CNTNAP3B: variants seen among roughly 807,000 people sequenced by gnomAD.
The protein encoded by CNTNAP3B is contactin associated protein family member 3B.
In CNTNAP3B, 25 loss-of-function variants were observed where a neutral mutation model predicts 108.9. The observed-to-expected ratio is 0.23, with a 90% CI of 0.17 to 0.32. CNTNAP3B has a LOEUF of 0.32. Among genes scored for constraint, CNTNAP3B ranks in the 10% least tolerant of loss-of-function variants. The pLI, the probability that CNTNAP3B is intolerant of heterozygous loss-of-function variation, is 1.00. For missense variants in CNTNAP3B, 252 were observed against 1,210.4 expected, an observed-to-expected ratio of 0.21 and a Z score of 11.75; for synonymous variants, 103 against 473.4, an observed-to-expected ratio of 0.22 and a Z score of 10.16.
Position 42,110,218 on chromosome 9 carries a change from C to T in CNTNAP3B, c.86-5479G>A, listed in dbSNP as rs557364617. Among the ~76,000 whole-genome samples, 8 of 131,202 alleles carry T rather than the reference C, an allele frequency of 6.1e-5. 1 individual carries two copies. Among genetic ancestry groups the T allele is most frequent in the South Asian group, 2.5e-4 (1 of 4,016 alleles). The allele number at this position is 131,202 out of a possible 152,430, so 86.1% of individuals were successfully genotyped here. The stretch of plus-strand genomic sequence containing the variant: ...ATGCAGGAGAGTTCCACTGAAAATA[C>T]GTTTAACATCCCTTTGAATCGCACA... On this transcript the variant is annotated intron_variant, in intron 1 of 23. Coordinates refer to ENST00000377561, the MANE Select transcript of CNTNAP3B (RefSeq NM_001201380.3).
chr9:41,981,757 TA>T (rs1825632323), intron 9 of CNTNAP3B, among the ~76,000 whole-genome samples: 1 of 50,206 alleles, frequency 2.0e-5, no homozygotes, highest in African/African-American at 7.5e-5. Flanking sequence ...GATTAAAGAA[TA>T]AAATGTAAAA....
At chr9:41,934,130 C>CACATATATATATACACACAT (rs1491259532) in intron 14 of CNTNAP3B, among the ~76,000 whole-genome samples, 4 of 116,500 alleles carry the variant, frequency 3.4e-5, no homozygotes, top group African/African-American at 1.0e-4. Flanking sequence ...TATACACACA[C>CACATATATATATACACACAT]ATATATATAT....
intron 3 of CNTNAP3B, among the ~76,000 whole-genome samples, chr9:42,058,052 T>C (rs1338668871): frequency 5.0e-5 from 7 of 139,930 alleles, no homozygotes. Context: ...ATTTCTTTTA[T>C]TTTATGGCCA....
chr9:41,931,808 A>G (rs1161259273), intron 14 of CNTNAP3B, among the ~76,000 whole-genome samples: 1 of 144,514 alleles, frequency 6.9e-6, no homozygotes, highest in Non-Finnish European at 1.5e-5. Context: ...TCATTTTAGC[A>G]AGATAGTCTA....
rs751886985 is a variant in CNTNAP3B at position 42,129,132 on chromosome 9, C to T, written c.-38G>A. ...CAGGCGCCCTGAGACCCGGGCACGG[C>T]GACGGCCGCTCTGCGTCGTTCCTGC... On this transcript the variant is annotated 5_prime_UTR_variant, in exon 1 of 24. Transcript: ENST00000377561. 16 of 1,529,056 alleles carry T rather than the reference C, an allele frequency of 1.0e-5. 2 individuals are homozygous for T. The highest frequency in any genetic ancestry group is 6.3e-5 in the African/African-American group (4 of 63,866). The allele number at this position is 1,529,056 out of a possible 1,614,324, so 94.7% of individuals were successfully genotyped here.
intron 12 of CNTNAP3B, 74 bp downstream of exon 12, chr9:41,960,699 T>A: frequency 7.6e-7 from 1 of 1,309,522 alleles, no homozygotes; most frequent in East Asian, 2.4e-5. Context: ...ACTGCATGTT[T>A]TAATAATGCT....
chr9:42,085,502 T>A (rs1211386807), intron 2 of CNTNAP3B, among the ~76,000 whole-genome samples: 2 of 139,912 alleles, frequency 1.4e-5, no homozygotes, highest in Non-Finnish European at 3.1e-5. Flanking sequence ...ATTTTATATA[T>A]AAAGTTCCTT....
Position 42,106,315 on chromosome 9 carries a change from A to G in CNTNAP3B, c.86-1576T>C, listed in dbSNP as rs1406414590. Among the ~76,000 whole-genome samples, 2 of 73,878 alleles carry G rather than the reference A, an allele frequency of 2.7e-5. 1 individual carries two copies. The highest frequency in any genetic ancestry group is 5.4e-5 in the Non-Finnish European group (2 of 37,242). The allele number at this position is 73,878 out of a possible 152,430, so 48.5% of individuals were successfully genotyped here. On this transcript the variant is annotated intron_variant, in intron 1 of 23. Coordinates refer to ENST00000377561, the MANE Select transcript of CNTNAP3B (RefSeq NM_001201380.3). ...ATTTGATATAGGAACATTTTTCTATATATTCCCCATAAGTGACAATGTCAC... is the reference window on the plus strand; with the variant it reads ...ATTTGATATAGGAACATTTTTCTATGTATTCCCCATAAGTGACAATGTCAC...
chr9:41,986,427 A>T (rs1223747751), intron 8 of CNTNAP3B, 116 bp from the exon 9 acceptor site: 15 of 1,039,932 alleles, frequency 1.4e-5, no homozygotes, highest in Non-Finnish European at 2.0e-5. Flanking sequence ...TTACATGTTC[A>T]TGTATCACTG....
At chr9:41,977,844 G>A (rs1436055893) in intron 9 of CNTNAP3B, among the ~76,000 whole-genome samples, 5 of 139,966 alleles carry the variant, frequency 3.6e-5, no homozygotes, top group East Asian at 4.3e-4. Flanking sequence ...TGTTAGCCAG[G>A]ATGGTCTCGA....
chr9:42,056,496 G>A (rs369224072), intron 3 of CNTNAP3B, among the ~76,000 whole-genome samples: 17 of 137,062 alleles, frequency 1.2e-4, no homozygotes, highest in Admixed American at 8.0e-4. Flanking sequence ...GACTACAGGC[G>A]CCCGCCACCA....
chr9:41,933,692 G>A (rs1298529277), intron 14 of CNTNAP3B, among the ~76,000 whole-genome samples: 1 of 152,230 alleles, frequency 6.6e-6, no homozygotes, highest in Non-Finnish European at 1.5e-5. Context: ...TTCTATGTAG[G>A]CAATCATATT....
At chr9:41,934,600 G>A (rs989759482) in intron 14 of CNTNAP3B, among the ~76,000 whole-genome samples, 1 of 152,258 alleles carries the variant, frequency 6.6e-6, no homozygotes, top group African/African-American at 2.4e-5. Context: ...CTCAGCATTA[G>A]ATAGAGTTCA....
At chr9:42,111,639 G>A (rs149674490) in intron 1 of CNTNAP3B, among the ~76,000 whole-genome samples, 2 of 138,568 alleles carry the variant, frequency 1.4e-5, no homozygotes, top group African/African-American at 5.7e-5. Context: ...TCCCTTTATT[G>A]TTCAAGCCTA....
chr9:42,113,710 G>C (rs1828248824), intron 1 of CNTNAP3B, among the ~76,000 whole-genome samples: 1 of 139,638 alleles, frequency 7.2e-6, no homozygotes, highest in South Asian at 2.3e-4. Flanking sequence ...TAGAAAAAAT[G>C]AATAACACCT....
chr9:42,093,216 G>A lies in CNTNAP3B; in HGVS notation c.196+11413C>T, dbSNP rs1417691822. 5.3e-5 allele frequency among the ~76,000 whole-genome samples: 5 copies of A among 93,938 alleles called. 2 individuals carry two copies. The highest frequency in any genetic ancestry group is 1.1e-4 in the Non-Finnish European group (5 of 44,734). 61.6% of individuals were successfully genotyped at this position (93,938 alleles called of 152,430 possible). A position where few individuals can be genotyped will look rare whatever the true frequency, so the allele number is the denominator to read the frequency against. On this transcript the variant is annotated intron_variant, in intron 2 of 23. Coordinates refer to ENST00000377561, the MANE Select transcript of CNTNAP3B (RefSeq NM_001201380.3). ...AAAAATTAGCCAGGCGTGGTGGCGC[G>A]ACCCTGTAATCCCAGTTACTCAGAA...
intron 2 of CNTNAP3B, among the ~76,000 whole-genome samples, chr9:42,098,181 C>CTG (rs1421947824): frequency 2.9e-5 from 4 of 137,976 alleles, no homozygotes; most frequent in Non-Finnish European, 6.2e-5. Context: ...ACCATTTTCT[C>CTG]TGTGTGTGTG....
At chr9:41,988,266 T>TTTTTGTTTG in intron 8 of CNTNAP3B, among the ~76,000 whole-genome samples, 1 of 74,922 alleles carries the variant, frequency 1.3e-5, no homozygotes, top group African/African-American at 4.8e-5. Flanking sequence ...TTTTTTTTTT[T>TTTTTGTTTG]GAGATGGAGT....
chr9:42,064,978 A>G (rs1827244803), intron 3 of CNTNAP3B, among the ~76,000 whole-genome samples: 3 of 146,656 alleles, frequency 2.0e-5, no homozygotes, highest in Admixed American at 1.4e-4. Flanking sequence ...CTACCCAGTA[A>G]TGGGATTGCT....
Sources: allele counts gnomAD v4.1 joint callset (sites outside exome capture counted in the v4.1 genomes callset), GRCh38; gene constraint gnomAD v4.1.1; transcripts MANE v1.5; gene names NCBI Gene and HGNC (gene_info 2026-07-23, HGNC 2026-07-21).